The following CCDC18 variants were observed in gnomAD, a reference collection of about 807,000 sequenced individuals.
CCDC18 encodes coiled-coil domain containing 18.
In CCDC18, 157 loss-of-function variants were observed where a neutral mutation model predicts 196.0. That is an observed-to-expected ratio of 0.80 (90% CI 0.70 to 0.91). The LOEUF (loss-of-function observed/expected upper bound fraction) is 0.91. Among genes scored for constraint, CCDC18 ranks in the 40% least tolerant of loss-of-function variants. The pLI is 0.00. For missense variants in CCDC18, 1,465 were observed against 1,611.6 expected, an observed-to-expected ratio of 0.91 and a Z score of 1.56; for synonymous variants, 482 against 529.2, an observed-to-expected ratio of 0.91 and a Z score of 1.22.
intron 16 of CCDC18, among the ~76,000 whole-genome samples, chr1:93,225,937 G>A (rs1658212031): frequency 6.6e-6 from 1 of 152,160 alleles, no homozygotes; most frequent in South Asian, 2.1e-4. Flanking sequence ...GTTCTTGACA[G>A]TTGGCCCTAG....
intron 11 of CCDC18, among the ~76,000 whole-genome samples, chr1:93,213,859 A>C (rs1389235624): frequency 6.6e-6 from 1 of 152,240 alleles, no homozygotes; most frequent in East Asian, 1.9e-4. Context: ...AACAGAGCCA[A>C]TAAAAAGTAA....
rs72959207 is a variant in CCDC18, at chr1:93,232,406, T to G, written c.2293-20T>G. ...TGAAACATTGCATTGTATTGAGAGA[T>G]ATATATATATATTTGCCAGGTATAT... On this transcript the variant is annotated intron_variant, in intron 17 of 28. Transcript: ENST00000690025. The G allele has an allele frequency of 5.9e-3, 6,312 of 1,066,094 alleles. 173 individuals are homozygous for G. In the African/African-American group the frequency reaches 0.074, roughly 13 times the overall value. 66.0% of individuals were successfully genotyped at this position (1,066,094 alleles called of 1,614,324 possible).
chr1:93,240,928 G>C (rs1281054239), intron 21 of CCDC18, among the ~76,000 whole-genome samples: 1 of 151,898 alleles, frequency 6.6e-6, no homozygotes, highest in African/African-American at 2.4e-5. Flanking sequence ...TTTTCATCCA[G>C]TGTATTAGCA....
At chr1:93,267,775 T>A (rs1460751202) in intron 27 of CCDC18, among the ~76,000 whole-genome samples, 1 of 152,022 alleles carries the variant, frequency 6.6e-6, no homozygotes, top group East Asian at 1.9e-4. Context: ...CACTGCTCAA[T>A]GAAATAAAAG....
chr1:93,278,466 G>GA lies in CCDC18; in HGVS notation c.4361dup (p.Asn1454LysfsTer9), dbSNP rs1446292299. ...CTATTATTTTGCATTATTCTAGGGA[G>GA]AAAATGTGTAATTCAAAGAAGATAC... is the stretch of plus-strand genomic sequence containing the variant. On this transcript the variant is annotated frameshift_variant, in exon 29 of 29. Coordinates refer to ENST00000690025, the MANE Select transcript of CCDC18 (RefSeq NM_001378204.1). LOFTEE classifies it high-confidence loss of function. 3.2e-6 allele frequency: 4 copies of GA among 1,261,454 alleles called. No homozygotes were observed. The highest frequency in any genetic ancestry group is 3.2e-6 in the Non-Finnish European group (3 of 927,782). The allele number at this position is 1,261,454 out of a possible 1,614,324, so 78.1% of individuals were successfully genotyped here.
At chr1:93,252,062 A>C (rs1662336735) in intron 23 of CCDC18, among the ~76,000 whole-genome samples, 1 of 148,890 alleles carries the variant, frequency 6.7e-6, no homozygotes, top group Non-Finnish European at 1.5e-5. Context: ...ACTAACTAAC[A>C]TGGGGTCTTT....
At chr1:93,180,408 T>C, upstream of CCDC18, 1 of 1,233,774 alleles carries the variant, frequency 8.1e-7, no homozygotes, top group Non-Finnish European at 1.1e-6. Flanking sequence ...AGAAGCGCAG[T>C]TCTCCAAAGG....
rs138702965 is a variant in CCDC18 at position 93,187,201 on chromosome 1, T to A, written c.462+698T>A. Reference sequence around the variant, plus strand: ...CCATAAGATAGATTGCAACAAAACCTTTTTTTAAAAAAATGAGGCAAATAT... The same window carrying A: ...CCATAAGATAGATTGCAACAAAACCATTTTTTAAAAAAATGAGGCAAATAT... On this transcript the variant is annotated intron_variant, in intron 4 of 28. Transcript: ENST00000690025. Among the ~76,000 whole-genome samples, 4 of 152,114 alleles carry A rather than the reference T, an allele frequency of 2.6e-5. No homozygotes were observed. The East Asian group carries it at 7.7e-4, about 29-fold the overall frequency.
At position 93,241,589 on chromosome 1, in the gene CCDC18, G is replaced by A. The variant is rs1660790806; in HGVS notation, c.2981+1693G>A. On this transcript the variant is annotated intron_variant, in intron 21 of 28. Transcript: ENST00000690025. ...ATGCAAAAATCAGCCAGGTGTGGTG[G>A]CAGGTGTGTGTAGTCTTAGCTACTC... Among the ~76,000 whole-genome samples, 5 of 151,808 alleles carry A rather than the reference G, an allele frequency of 3.3e-5. No individual in the cohort carries two copies. In the South Asian group the frequency reaches 8.3e-4, roughly 25 times the overall value.
Position 93,193,694 on chromosome 1 carries a change from A to G in CCDC18, c.648A>G (p.Glu216=), listed in dbSNP as rs1053443462. ...KEQSLQESKE[E]CIKLKVDLLE... is the part of the protein sequence containing the mutation. ...AGAGTTTGCAGGAGTCCAAAGAGGA[A>G]TGTATAAAATTAAAGGTGGACTTAC... Residue 216 remains glutamate (E), a synonymous_variant, in exon 6 of 29, where the codon GAA becomes GAG. Coordinates refer to ENST00000690025, the MANE Select transcript of CCDC18 (RefSeq NM_001378204.1). 6.3e-7 allele frequency: 1 copy of G among 1,588,914 alleles called. No homozygotes were observed. The highest frequency in any genetic ancestry group is 1.8e-5 in the Admixed American group (1 of 54,600).
chr1:93,213,214 C>T (rs952026269), intron 11 of CCDC18, among the ~76,000 whole-genome samples: 3 of 152,152 alleles, frequency 2.0e-5, no homozygotes, highest in African/African-American at 7.2e-5. Context: ...TGGACTGGTA[C>T]CAGTCCGTGG....
intron 7 of CCDC18, among the ~76,000 whole-genome samples, chr1:93,204,744 C>CT (rs1205848921): frequency 7.4e-5 from 11 of 149,488 alleles, no homozygotes; most frequent in Admixed American, 2.0e-4. Flanking sequence ...GTACTGAAAT[C>CT]TTTTTTTTTT....
intron 9 of CCDC18, among the ~76,000 whole-genome samples, chr1:93,210,279 G>A (rs979107025): frequency 6.6e-6 from 1 of 152,112 alleles, no homozygotes; most frequent in African/African-American, 2.4e-5. Context: ...ATACAGAAAG[G>A]TGCATATGCT....
intron 1 of CCDC18, among the ~76,000 whole-genome samples, chr1:93,182,017 C>T (rs1168353651): frequency 1.3e-5 from 2 of 152,226 alleles, no homozygotes; most frequent in African/African-American, 4.8e-5. Context: ...GCCCAATTTT[C>T]TCTACCCTTT....
At chr1:93,208,011 C>G (rs1654983260) in intron 9 of CCDC18, among the ~76,000 whole-genome samples, 1 of 142,854 alleles carries the variant, frequency 7.0e-6, no homozygotes, top group Admixed American at 7.3e-5. Flanking sequence ...TTTTGTTTAT[C>G]CATTCACTGG....
chr1:93,228,949 G>T (rs547951318), intron 17 of CCDC18, among the ~76,000 whole-genome samples: 44 of 152,052 alleles, frequency 2.9e-4, no homozygotes, highest in Admixed American at 8.5e-4. Context: ...TTGAGACAGG[G>T]TCTTGCTTTG....
chr1:93,254,768 G>C (rs1662713132), intron 24 of CCDC18, among the ~76,000 whole-genome samples, 154 bp downstream of exon 24: 2 of 151,920 alleles, frequency 1.3e-5, no homozygotes, highest in South Asian at 4.2e-4. Flanking sequence ...TAGTTTCTTT[G>C]ACCTTTTAAA....
chr1:93,246,079 G>C, intron 21 of CCDC18, 26 bp from the exon 22 acceptor site: 1 of 1,503,820 alleles, frequency 6.6e-7, no homozygotes, highest in South Asian at 1.2e-5. Flanking sequence ...TATCTGCTTT[G>C]ATCTTTTTCC....
At chr1:93,195,779 G>A (rs1652623496) in intron 6 of CCDC18, among the ~76,000 whole-genome samples, 1 of 152,064 alleles carries the variant, frequency 6.6e-6, no homozygotes, top group Non-Finnish European at 1.5e-5. Context: ...CCTTGATCTT[G>A]GACTTCCCAG....
Sources: gnomAD v4.1 joint callset for allele counts (sites outside exome capture counted in the v4.1 genomes callset) on GRCh38, gnomAD v4.1.1 for gene constraint, MANE v1.5 for transcripts, NCBI Gene and HGNC (gene_info 2026-07-23, HGNC 2026-07-21) for gene names.